ZNF570: variants seen among roughly 807,000 people sequenced by gnomAD.
The protein encoded by ZNF570 is zinc finger protein 570.
ZNF570 carries 8 observed loss-of-function variants against 14.2 expected under a neutral mutation model. The ratio of observed to expected loss-of-function variants is 0.56; its 90% CI spans 0.33 to 1.02. ZNF570 has a LOEUF of 1.02. Ranked by LOEUF, ZNF570 falls within the 50% of genes least tolerant of loss-of-function variation. ZNF570 has a pLI of 0.03. For missense variants in ZNF570, 559 were observed against 624.9 expected (o/e 0.89, Z 1.12); for synonymous variants, 202 against 207.6 (o/e 0.97, Z 0.23).
At chr19:37,476,926 A>G (rs1293230278) in intron 4 of ZNF570, among the ~76,000 whole-genome samples, 2 of 151,990 alleles carry the variant, frequency 1.3e-5, no homozygotes, top group African/African-American at 2.4e-5. Context: ...GGCTGGTCTC[A>G]AACTCCTGAC....
chr19:37,478,614 C>T (rs1333554901), intron 4 of ZNF570, among the ~76,000 whole-genome samples: 1 of 145,462 alleles, frequency 6.9e-6, no homozygotes, highest in South Asian at 2.2e-4. Context: ...TTGTCCACTT[C>T]CGGTCTTAAT....
chr19:37,485,104 A>C lies in ZNF570; in HGVS notation c.1482A>C (p.Gly494=). Residue 494 remains glycine (G), a synonymous_variant, in exon 5 of 5, where the codon GGA becomes GGC. Coordinates refer to ENST00000330173, the MANE Select transcript of ZNF570 (RefSeq NM_144694.5). ...SLAQHQRIHT[G]ERPYECKECK... is the part of the protein sequence containing the mutation. Reference sequence around the variant, plus strand: ...CCCAACATCAGAGAATTCATACTGGAGAGAGACCCTATGAATGTAAGGAAT... The same window carrying C: ...CCCAACATCAGAGAATTCATACTGGCGAGAGACCCTATGAATGTAAGGAAT... The C allele has an allele frequency of 6.2e-7, 1 of 1,613,988 alleles. No individual in the cohort carries two copies. The highest frequency in any genetic ancestry group is 8.5e-7 in the Non-Finnish European group (1 of 1,179,960).
Position 37,483,967 on chromosome 19 carries a change from T to A in ZNF570, c.345T>A (p.Leu115=), listed in dbSNP as rs1452125701. The change falls in exon 5 of 5, where the codon CTT becomes CTA. Residue 115 remains leucine, a synonymous_variant. Transcript: ENST00000330173. ...AATCCCAGAAGATAATAGAAACACT[T>A]ACAAGCTATAACCTTGAATACTCCA... ...EHQSQKIIET[L]TSYNLEYSSL... The A allele has an allele frequency of 2.5e-6, 4 of 1,613,810 alleles. No individual in the cohort carries two copies. The highest frequency in any genetic ancestry group is 3.4e-6 in the Non-Finnish European group (4 of 1,180,004).
At chr19:37,471,151 C>G (rs1220706056) in intron 2 of ZNF570, among the ~76,000 whole-genome samples, 2 of 150,932 alleles carry the variant, frequency 1.3e-5, no homozygotes, top group Non-Finnish European at 2.9e-5. Flanking sequence ...GTAGCTGGGA[C>G]TACAGGCGCC....
rs1218213661 is a variant in ZNF570, at chr19:37,485,751, AAC to A, written c.*524_*525del. On this transcript the variant is annotated 3_prime_UTR_variant, in exon 5 of 5. Coordinates refer to ENST00000330173, the MANE Select transcript of ZNF570 (RefSeq NM_144694.5). ...AAGTGTTCTTTTTAAAGAATAAGAA[AAC>A]ACACATGGGCTGGGTGTGATGGCTC... 2 of 152,244 alleles carry A rather than the reference AAC, an allele frequency of 1.3e-5. No individual in the cohort carries two copies. Among genetic ancestry groups the A allele is most frequent in the Non-Finnish European group, 2.9e-5 (2 of 68,190 alleles). 9.4% of individuals were successfully genotyped at this position (152,244 alleles called of 1,614,324 possible).
chr19:37,483,797 T>A (rs1600388223), intron 4 of ZNF570, 82 bp from the exon 5 acceptor site: 2 of 1,400,652 alleles, frequency 1.4e-6, no homozygotes, highest in East Asian at 4.6e-5. Flanking sequence ...AATTCACATA[T>A]TTTACTTTAC....
chr19:37,475,066 C>T (rs1006419846), intron 2 of ZNF570, among the ~76,000 whole-genome samples: 16 of 151,422 alleles, frequency 1.1e-4, no homozygotes, highest in African/African-American at 3.2e-4. Flanking sequence ...TGGGTTCAAG[C>T]GATTCTCCTG....
upstream of ZNF570, chr19:37,469,129 G>A: frequency 1.8e-6 from 2 of 1,099,818 alleles, no homozygotes; most frequent in Non-Finnish European, 2.2e-6. Context: ...GCTCGGAGCT[G>A]CAGGGAATCC....
In ZNF570 at chr19:37,485,288, T is replaced by G; in HGVS notation, c.*55T>G. The G allele has an allele frequency of 6.9e-7, 1 of 1,457,082 alleles. No homozygotes were observed. Among genetic ancestry groups the G allele is most frequent in the Non-Finnish European group, 9.1e-7 (1 of 1,097,432 alleles). 90.3% of individuals were successfully genotyped at this position (1,457,082 alleles called of 1,614,324 possible). A position where few individuals can be genotyped will look rare whatever the true frequency, so the allele number is the denominator to read the frequency against. On this transcript the variant is annotated 3_prime_UTR_variant, in exon 5 of 5. Coordinates refer to ENST00000330173, the MANE Select transcript of ZNF570 (RefSeq NM_144694.5). The stretch of plus-strand genomic sequence containing the variant: ...ATACTGTTTTTTATCTTTAATGTTG[T>G]CACCTTGGTCTGATTCATCTCACTC...
At position 37,487,892 on chromosome 19, in the gene ZNF570, C is replaced by T. The variant is rs1009655769; in HGVS notation, c.*2659C>T. The T allele has an allele frequency of 6.6e-6, 1 of 152,102 alleles. No individual in the cohort carries two copies. Among genetic ancestry groups the T allele is most frequent in the Admixed American group, 6.5e-5 (1 of 15,270 alleles). 9.4% of individuals were successfully genotyped at this position (152,102 alleles called of 1,614,324 possible). A position where few individuals can be genotyped will look rare whatever the true frequency, so the allele number is the denominator to read the frequency against. On this transcript the variant is annotated 3_prime_UTR_variant, in exon 5 of 5. Coordinates refer to ENST00000330173, the MANE Select transcript of ZNF570 (RefSeq NM_144694.5). ...GGGTATTACTAGTAGTAAGGGGATT[C>T]ACTAGTAGTAAGGGAAATGCAAAAT...
chr19:37,479,373 C>T (rs1330351471), intron 4 of ZNF570, among the ~76,000 whole-genome samples: 2 of 151,992 alleles, frequency 1.3e-5, no homozygotes, highest in African/African-American at 4.8e-5. Context: ...CTTCAATATA[C>T]ATTTATTGAA....
Position 37,469,665 on chromosome 19 carries a change from G to A in ZNF570, c.-52+108G>A, listed in dbSNP as rs2041920675. 5 of 1,154,270 alleles carry A rather than the reference G, an allele frequency of 4.3e-6. No individual in the cohort carries two copies. The South Asian group carries it at 4.3e-5, about 10-fold the overall frequency. 71.5% of individuals were successfully genotyped at this position (1,154,270 alleles called of 1,614,324 possible). On this transcript the variant is annotated intron_variant, in intron 1 of 4. Transcript: ENST00000330173. Reference sequence around the variant, plus strand: ...CGTGGAATGTGAGGCTGTGAGTTGAGGCGGGAGCGGGCGACTGTTCGCTGC... The same window carrying A: ...CGTGGAATGTGAGGCTGTGAGTTGAAGCGGGAGCGGGCGACTGTTCGCTGC...
chr19:37,481,310 G>A (rs767421479), intron 4 of ZNF570, among the ~76,000 whole-genome samples: 6 of 151,784 alleles, frequency 4.0e-5, no homozygotes, highest in Non-Finnish European at 7.4e-5. Context: ...GTGCCACCAC[G>A]CCTGGCTAAT....
At chr19:37,481,794 A>G (rs188312753) in intron 4 of ZNF570, among the ~76,000 whole-genome samples, 19 of 152,328 alleles carry the variant, frequency 1.2e-4, no homozygotes, top group African/African-American at 4.6e-4. Context: ...CACCAGGGAT[A>G]AATTGATGCT....
At chr19:37,475,019 A>C (rs1239345279) in intron 2 of ZNF570, among the ~76,000 whole-genome samples, 1 of 149,780 alleles carries the variant, frequency 6.7e-6, no homozygotes, top group African/African-American at 2.5e-5. Context: ...GCTGGAATGC[A>C]GTGGCACAAT....
chr19:37,484,397 T>G lies in ZNF570; in HGVS notation c.775T>G (p.Ser259Ala), dbSNP rs1568772042. ...IECGKAFSQR[S>A]NLVQHQRIHT... ...GTGTGGAAAAGCCTTCAGCCAGAGA[T>G]CAAATCTTGTTCAACATCAGAGGAT... is the stretch of plus-strand genomic sequence containing the variant. Residue 259 changes from serine to alanine, a missense_variant, in exon 5 of 5, where the codon TCA (serine) becomes GCA (alanine). By Grantham distance (99) the Ser-to-Ala change is moderately conservative. Transcript: ENST00000330173. 6.2e-7 allele frequency: 1 copy of G among 1,613,672 alleles called. No homozygotes were observed. The highest frequency in any genetic ancestry group is 8.5e-7 in the Non-Finnish European group (1 of 1,179,912).
chr19:37,467,813 C>T (rs931756523), upstream of ZNF570: 4 of 1,456,792 alleles, frequency 2.7e-6, no homozygotes, highest in African/African-American at 2.8e-5. Context: ...TGCGAATATG[C>T]GACCTTTTGT....
At chr19:37,473,561 A>G (rs1266838269) in intron 2 of ZNF570, among the ~76,000 whole-genome samples, 1 of 152,130 alleles carries the variant, frequency 6.6e-6, no homozygotes, top group Non-Finnish European at 1.5e-5. Context: ...TCATAGGGCA[A>G]CAGTTGAGGT....
intron 2 of ZNF570, among the ~76,000 whole-genome samples, chr19:37,472,596 AC>A (rs1259812526): frequency 6.6e-6 from 1 of 151,738 alleles, no homozygotes; most frequent in Non-Finnish European, 1.5e-5. Flanking sequence ...CAAAAAATTA[AC>A]CGGGCGTAGT....
Sources: gnomAD v4.1 joint callset for allele counts (sites outside exome capture counted in the v4.1 genomes callset) on GRCh38, gnomAD v4.1.1 for gene constraint, MANE v1.5 for transcripts, NCBI Gene and HGNC (gene_info 2026-07-23, HGNC 2026-07-21) for gene names.